The following LIPC variants were observed in gnomAD, a reference collection of about 807,000 sequenced individuals.
The protein encoded by LIPC is hepatic triacylglycerol lipase.
A neutral mutation model predicts 50.7 loss-of-function variants in LIPC; 44 were observed. That is an observed-to-expected ratio of 0.87 (90% CI 0.68 to 1.11). The LOEUF (loss-of-function observed/expected upper bound fraction) is 1.11. LIPC is among the 50% of genes most tolerant of loss of function. LIPC has a pLI of 0.00. For missense variants in LIPC, 697 were observed against 648.2 expected (o/e 1.08, Z -0.82); for synonymous variants, 271 against 256.4 (o/e 1.06, Z -0.54).
chr15:58,520,381 C>T (rs1207755242), intron 1 of LIPC, among the ~76,000 whole-genome samples: 2 of 152,142 alleles, frequency 1.3e-5, no homozygotes, highest in Non-Finnish European at 2.9e-5. Context: ...TAGAGCACAA[C>T]GTCTAAACCA....
chr15:58,502,359 T>C (rs1285180466), intron 1 of LIPC, among the ~76,000 whole-genome samples: 1 of 152,086 alleles, frequency 6.6e-6, no homozygotes, highest in African/African-American at 2.4e-5. Flanking sequence ...AGCAGGATTG[T>C]GACTTAGCTG....
intron 1 of LIPC, among the ~76,000 whole-genome samples, chr15:58,493,266 C>G (rs1317941328): frequency 6.6e-6 from 1 of 152,118 alleles, no homozygotes; most frequent in African/African-American, 2.4e-5. Flanking sequence ...CGCCAGCACT[C>G]CACCACAGCC....
At chr15:58,558,700 C>T (rs1254134979) in intron 6 of LIPC, among the ~76,000 whole-genome samples, 1 of 151,658 alleles carries the variant, frequency 6.6e-6, no homozygotes, top group Non-Finnish European at 1.5e-5. Flanking sequence ...CCCCTGCCCC[C>T]ACACTGGTCC....
intron 1 of LIPC, among the ~76,000 whole-genome samples, chr15:58,507,972 G>T (rs1892208641): frequency 6.6e-6 from 1 of 152,146 alleles, no homozygotes; most frequent in African/African-American, 2.4e-5. Flanking sequence ...AGCAGACAAG[G>T]GCTGGTAAAT....
intron 2 of LIPC, 152 bp from the exon 3 acceptor site, chr15:58,541,633 C>T: frequency 1.3e-6 from 1 of 788,744 alleles, no homozygotes; most frequent in Admixed American, 2.0e-5. Flanking sequence ...GCCCCCACAA[C>T]AAGGAATTCT....
chr15:58,446,562 T>C (rs1893700954), intron 1 of LIPC, among the ~76,000 whole-genome samples: 1 of 152,146 alleles, frequency 6.6e-6, no homozygotes, highest in Non-Finnish European at 1.5e-5. Context: ...GTGTCTGAGG[T>C]TGTGAGCATC....
Position 58,432,317 on chromosome 15 carries a change from C to T in LIPC, c.88+197C>T, listed in dbSNP as rs1190020393. ...AGAAATGAAATTTTAGAAAATCATC[C>T]TCGGATTAAAAGTCTTCTAAGAGTG... On this transcript the variant is annotated intron_variant, in intron 1 of 8. Transcript: ENST00000299022. The T allele has an allele frequency of 1.3e-5, 8 of 622,336 alleles. No homozygotes were observed. The East Asian group carries it at 2.2e-4, about 17-fold the overall frequency. The allele number at this position is 622,336 out of a possible 1,614,324, so 38.6% of individuals were successfully genotyped here.
At chr15:58,503,372 A>G (rs767706420) in intron 1 of LIPC, among the ~76,000 whole-genome samples, 1 of 152,182 alleles carries the variant, frequency 6.6e-6, no homozygotes, top group African/African-American at 2.4e-5. Flanking sequence ...AGTCCAAGGT[A>G]GGACACTAAG....
At chr15:58,440,295 C>A (rs1462535336) in intron 1 of LIPC, among the ~76,000 whole-genome samples, 1 of 152,190 alleles carries the variant, frequency 6.6e-6, no homozygotes, top group Non-Finnish European at 1.5e-5. Context: ...ATGAGTGAGG[C>A]ATTATCAAAG....
At chr15:58,517,631 C>T (rs770302360) in intron 1 of LIPC, among the ~76,000 whole-genome samples, 37 of 152,162 alleles carry the variant, frequency 2.4e-4, no homozygotes, top group Non-Finnish European at 5.0e-4. Flanking sequence ...CTTTCCCACA[C>T]AAATGTGAGA....
intron 1 of LIPC, among the ~76,000 whole-genome samples, chr15:58,486,631 TACC>T (rs1462635281): frequency 6.6e-6 from 1 of 152,174 alleles, no homozygotes; most frequent in African/African-American, 2.4e-5. Context: ...AGATGGCTCC[TACC>T]ACCCAGCAAT....
At chr15:58,463,396 C>T (rs993346034) in intron 1 of LIPC, among the ~76,000 whole-genome samples, 4 of 152,224 alleles carry the variant, frequency 2.6e-5, no homozygotes, top group African/African-American at 9.6e-5. Flanking sequence ...CCACACCAAG[C>T]TTTCAGAAAC....
At chr15:58,512,077 C>T (rs1315382292) in intron 1 of LIPC, among the ~76,000 whole-genome samples, 2 of 151,808 alleles carry the variant, frequency 1.3e-5, no homozygotes, top group African/African-American at 4.8e-5. Flanking sequence ...TGGTGATTTT[C>T]TCTATGTTTT....
chr15:58,529,635 T>A (rs936947460), intron 1 of LIPC, among the ~76,000 whole-genome samples: 1 of 152,222 alleles, frequency 6.6e-6, no homozygotes, highest in Non-Finnish European at 1.5e-5. Flanking sequence ...TTATGTGGCA[T>A]GGAATGTAAG....
At chr15:58,551,096 C>A (rs1301417060) in intron 6 of LIPC, among the ~76,000 whole-genome samples, 5 of 152,128 alleles carry the variant, frequency 3.3e-5, no homozygotes, top group Non-Finnish European at 7.3e-5. Context: ...CTCTGCCTCC[C>A]AAAGTGCTGG....
At chr15:58,483,219 T>G (rs7172209) in intron 1 of LIPC, among the ~76,000 whole-genome samples, 3,326 of 152,314 alleles carry the variant, frequency 0.022, 40 homozygotes, top group Middle Eastern at 0.068. Flanking sequence ...AGTGGCCATA[T>G]AGAGTTGACA....
intron 7 of LIPC, among the ~76,000 whole-genome samples, chr15:58,562,341 C>T (rs1056267959): frequency 7.2e-5 from 11 of 152,176 alleles, no homozygotes; most frequent in Admixed American, 2.0e-4. Context: ...TGGTGAGGGG[C>T]GGAGCAGGTG....
At position 58,464,986 on chromosome 15, in the gene LIPC, G is replaced by A. The variant is rs577836528; in HGVS notation, c.88+32866G>A. Among the ~76,000 whole-genome samples, 25 of 152,178 alleles carry A rather than the reference G, an allele frequency of 1.6e-4. No homozygotes were observed. In the South Asian group the frequency reaches 3.9e-3, roughly 24 times the overall value. On this transcript the variant is annotated intron_variant, in intron 1 of 8. Transcript: ENST00000299022. ...AGACTCTGTCTCAAAAATGGGGAGC[G>A]AGGGGGGAGCCCACCACACAACAAA...
chr15:58,517,926 G>C (rs1892533802), intron 1 of LIPC, among the ~76,000 whole-genome samples: 1 of 152,222 alleles, frequency 6.6e-6, no homozygotes, highest in Non-Finnish European at 1.5e-5. Flanking sequence ...CAGACAGCTA[G>C]TTGGTGCAAA....
Sources: gnomAD v4.1 joint callset for allele counts (sites outside exome capture counted in the v4.1 genomes callset) on GRCh38, gnomAD v4.1.1 for gene constraint, MANE v1.5 for transcripts, NCBI Gene and HGNC (gene_info 2026-07-23, HGNC 2026-07-21) for gene names.